NOTCH2: variants seen among roughly 807,000 people sequenced by gnomAD.
The protein encoded by NOTCH2 is neurogenic locus notch homolog protein 2.
NOTCH2 carries 29 observed loss-of-function variants against 235.8 expected under a neutral mutation model. The observed-to-expected ratio is 0.12, with a 90% confidence interval of 0.09 to 0.17. The LOEUF is 0.17. Ranked by LOEUF, NOTCH2 falls within the 10% of genes least tolerant of loss-of-function variation. NOTCH2 has a pLI of 1.00. For synonymous variants in NOTCH2, 1,086 were observed against 1,141.5 expected, an observed-to-expected ratio of 0.95 and a Z score of 0.98; for missense variants, 2,285 against 3,150.2, an observed-to-expected ratio of 0.73 and a Z score of 6.57.
At chr1:119,935,245 A>G (rs1649806088) in intron 22 of NOTCH2, 5 of 1,437,006 alleles carry the variant, frequency 3.5e-6, no homozygotes, top group Non-Finnish European at 2.7e-6. Flanking sequence ...TTCATGGAAT[A>G]TCAAGATGCC....
intron 5 of NOTCH2, among the ~76,000 whole-genome samples, chr1:119,980,833 T>C (rs1651785272): frequency 6.6e-6 from 1 of 152,172 alleles, no homozygotes; most frequent in Admixed American, 6.5e-5. Flanking sequence ...CATGTGGAGT[T>C]GAGTTCAGGG....
At chr1:120,023,943 T>G (rs2725942) in intron 2 of NOTCH2, among the ~76,000 whole-genome samples, 2 of 152,178 alleles carry the variant, frequency 1.3e-5, no homozygotes, top group African/African-American at 4.8e-5. Flanking sequence ...TATGTGGTAC[T>G]CATAAATAGC....
intron 10 of NOTCH2, among the ~76,000 whole-genome samples, chr1:119,964,782 T>G (rs782731365): frequency 4.6e-5 from 7 of 152,210 alleles, no homozygotes; most frequent in Non-Finnish European, 8.8e-5. Context: ...ATTTCTAGCC[T>G]TTCTGTATAA....
intron 24 of NOTCH2, among the ~76,000 whole-genome samples, chr1:119,926,028 G>A (rs587725031): frequency 6.6e-6 from 1 of 152,326 alleles, no homozygotes; most frequent in East Asian, 1.9e-4. Context: ...AAAAGAATGG[G>A]TATAGCAAAT....
chr1:120,051,257 A>ACACACG, intron 1 of NOTCH2, among the ~76,000 whole-genome samples: 1 of 103,066 alleles, frequency 9.7e-6, no homozygotes, highest in South Asian at 3.5e-4. Flanking sequence ...ACACACACAC[A>ACACACG]CACACACACA....
At chr1:119,964,218 AG>A (rs1285828078) in intron 10 of NOTCH2, among the ~76,000 whole-genome samples, 1 of 152,104 alleles carries the variant, frequency 6.6e-6, no homozygotes, top group Non-Finnish European at 1.5e-5. Context: ...CTGACTTTGG[AG>A]GTAAGAGAGC....
chr1:119,955,858 A>G (rs1650676150), intron 12 of NOTCH2, among the ~76,000 whole-genome samples: 1 of 152,238 alleles, frequency 6.6e-6, no homozygotes, highest in Admixed American at 6.5e-5. Context: ...GCAGTCTGTC[A>G]CTGCAGACCT....
In NOTCH2 at chr1:119,929,112, G is replaced by A. The variant is rs2101169296; in HGVS notation, c.3756C>T (p.Cys1252=). The A allele has an allele frequency of 1.9e-6, 3 of 1,614,204 alleles. No homozygotes were observed. The highest frequency in any genetic ancestry group is 8.5e-7 in the Non-Finnish European group (1 of 1,180,026). The part of the protein sequence containing the change: ...MDRIGGYSCR[C]LPGFAGERCE... Reference sequence around the variant, plus strand: ...AACGCTCCCCAGCAAAGCCAGGCAAGCAGCGACAACTGTAGCCTCCAATCC... The same window carrying A: ...AACGCTCCCCAGCAAAGCCAGGCAAACAGCGACAACTGTAGCCTCCAATCC... The change falls in exon 23 of 34, where the codon TGC becomes TGT. Residue 1252 remains cysteine, a synonymous_variant. Transcript: ENST00000256646.
At chr1:119,920,678 AC>A (rs1238508557) in intron 29 of NOTCH2, among the ~76,000 whole-genome samples, 1 of 151,524 alleles carries the variant, frequency 6.6e-6, no homozygotes, top group Non-Finnish European at 1.5e-5. Flanking sequence ...CACTTTTCCT[AC>A]CCTCCACTAG....
chr1:119,915,336 T>C lies in NOTCH2; in HGVS notation c.7386A>G (p.Pro2462=), dbSNP rs1649025241. 1 of 1,613,806 alleles carries C rather than the reference T, an allele frequency of 6.2e-7. No individual in the cohort carries two copies. Among genetic ancestry groups the C allele is most frequent in the Non-Finnish European group, 8.5e-7 (1 of 1,180,028 alleles). ...CATAAACCTGCATGTTGTTGTGTGG[T>C]GGCTCAGACATGTGTGTCCCAGGTC... ...QRGPGTHMSE[P]PHNNMQVYA is the part of the protein sequence containing the mutation. Residue 2462 remains proline (P), a synonymous_variant, in exon 34 of 34, where the codon CCA becomes CCG. Coordinates refer to ENST00000256646, the MANE Select transcript of NOTCH2 (RefSeq NM_024408.4).
rs1372876100 is a variant in NOTCH2, at chr1:119,996,658, T to C, written c.751+339A>G. ...CTTTATTAACCACACATACATATTT[T>C]CCAGTGTCTAATTCTCATCGTGTTC... is the stretch of plus-strand genomic sequence containing the variant. On this transcript the variant is annotated intron_variant, in intron 4 of 33. Transcript: ENST00000256646. The C allele has an allele frequency of 7.6e-6, 7 of 921,396 alleles. No homozygotes were observed. In the Middle Eastern group the frequency reaches 6.3e-4, roughly 83 times the overall value. 57.1% of individuals were successfully genotyped at this position (921,396 alleles called of 1,614,324 possible).
intron 23 of NOTCH2, 63 bp downstream of exon 23, chr1:119,928,913 C>A (rs1473926174): frequency 1.4e-6 from 2 of 1,388,526 alleles, no homozygotes; most frequent in East Asian, 4.6e-5. Context: ...CTCACAGGGC[C>A]CAATTTGTTC....
At chr1:119,930,001 T>C (rs1171750096) in intron 22 of NOTCH2, among the ~76,000 whole-genome samples, 5 of 152,262 alleles carry the variant, frequency 3.3e-5, no homozygotes, top group African/African-American at 9.6e-5. Flanking sequence ...CATTGTGTTA[T>C]AATTGCCTAC....
intron 28 of NOTCH2, 139 bp downstream of exon 28, chr1:119,922,097 C>T: frequency 3.0e-6 from 3 of 1,002,790 alleles, no homozygotes; most frequent in Non-Finnish European, 4.6e-6. Context: ...GTTTCAGTCA[C>T]TCACAAGGCA....
chr1:119,978,941 G>A (rs1336796889), intron 5 of NOTCH2, among the ~76,000 whole-genome samples: 2 of 152,160 alleles, frequency 1.3e-5, no homozygotes, highest in South Asian at 2.1e-4. Context: ...ATAAAACATG[G>A]AGAATGTAAT....
At chr1:119,921,602 C>A (rs2101153241) in intron 29 of NOTCH2, 111 bp downstream of exon 29, 2 of 885,800 alleles carry the variant, frequency 2.3e-6, no homozygotes, top group Admixed American at 3.7e-5. Flanking sequence ...GGTAAGACAT[C>A]AAGACTATCA....
At chr1:119,950,434 A>G in intron 15 of NOTCH2, 1 of 560,912 alleles carries the variant, frequency 1.8e-6, no homozygotes, top group Non-Finnish European at 3.4e-6. Flanking sequence ...CATTCAAATG[A>G]TAGACAACCA....
intron 22 of NOTCH2, 120 bp from the exon 23 acceptor site, chr1:119,929,332 T>C: frequency 2.5e-6 from 2 of 811,010 alleles, no homozygotes; most frequent in South Asian, 1.4e-5. Flanking sequence ...CAACTGGTAG[T>C]GGGACCTTGT....
chr1:120,014,461 T>A (rs1224210720), intron 2 of NOTCH2, among the ~76,000 whole-genome samples: 3 of 149,916 alleles, frequency 2.0e-5, no homozygotes, highest in East Asian at 3.9e-4. Flanking sequence ...CCATTGTTAC[T>A]GTTCAAACAT....
Sources: gnomAD v4.1 joint callset for allele counts (sites outside exome capture counted in the v4.1 genomes callset) on GRCh38, gnomAD v4.1.1 for gene constraint, MANE v1.5 for transcripts, NCBI Gene and HGNC (gene_info 2026-07-23, HGNC 2026-07-21) for gene names.